TRPM1: variants seen among roughly 807,000 people sequenced by gnomAD.
The protein encoded by TRPM1 is transient receptor potential cation channel subfamily M member 1.
In TRPM1, 113 loss-of-function variants were observed where a neutral mutation model predicts 149.4. The ratio of observed to expected loss-of-function variants is 0.76; its 90% CI spans 0.65 to 0.88. TRPM1 has a LOEUF of 0.88. Among genes scored for constraint, TRPM1 ranks in the 40% least tolerant of loss-of-function variants. TRPM1 has a pLI of 0.00. For synonymous variants in TRPM1, 741 were observed against 759.5 expected (o/e 0.98, Z 0.40); for missense variants, 1,976 against 2,038.7 (o/e 0.97, Z 0.59).
At chr15:31,094,753 T>C (rs549455851) in intron 1 of TRPM1, among the ~76,000 whole-genome samples, 5 of 152,334 alleles carry the variant, frequency 3.3e-5, no homozygotes, top group East Asian at 3.9e-4. Context: ...TGTGGAGGAA[T>C]TGGAACCTTC....
At chr15:31,039,118 G>A (rs566253849) in intron 18 of TRPM1, among the ~76,000 whole-genome samples, 1 of 150,350 alleles carries the variant, frequency 6.7e-6, no homozygotes, top group South Asian at 2.1e-4. Flanking sequence ...TTTTTGAATA[G>A]TTGGCCTGGG....
chr15:31,089,910 T>G lies in TRPM1; in HGVS notation c.-83-8472A>C, dbSNP rs376953721. 2.4e-4 allele frequency among the ~76,000 whole-genome samples: 36 copies of G among 152,312 alleles called. No homozygotes were observed. In the East Asian group the frequency reaches 5.2e-3, roughly 22 times the overall value. ...TGATGTCACCTGGGGCAGAGGATCC[T>G]GGGTTGGCCGGGAGCACCGTGTGGG... On this transcript the variant is annotated intron_variant, in intron 1 of 27. Transcript: ENST00000256552.
At position 31,120,999 on chromosome 15, in the gene TRPM1, T is replaced by C. The variant is rs181562108; in HGVS notation, c.54+39907A>G. 3.9e-5 allele frequency among the ~76,000 whole-genome samples: 6 copies of C among 151,960 alleles called. 1 individual carries two copies. Among genetic ancestry groups the C allele is most frequent in the South Asian group, 4.2e-4 (2 of 4,816 alleles). On this transcript the variant is annotated intron_variant, in intron 1 of 26. Coordinates refer to the TRPM1 transcript ENST00000542188. ...ATCCCAGCACTTTGGGAGGTCAAGG[T>C]GGGCAGATCACGAGGTCAGAAGTTC... is the stretch of plus-strand genomic sequence containing the variant.
chr15:31,100,263 G>C (rs562081825), intron 1 of TRPM1, among the ~76,000 whole-genome samples: 1 of 151,930 alleles, frequency 6.6e-6, no homozygotes, highest in Non-Finnish European at 1.5e-5. Flanking sequence ...TTTTAGTAGA[G>C]ACAGGGTTTC....
At chr15:31,020,500 C>G (rs1262508880) in intron 27 of TRPM1, among the ~76,000 whole-genome samples, 2 of 152,240 alleles carry the variant, frequency 1.3e-5, no homozygotes, top group African/African-American at 2.4e-5. Flanking sequence ...ACTGACCTGG[C>G]CCAGTACAAA....
At chr15:31,132,857 ACT>A (rs2141044731) in intron 1 of TRPM1, among the ~76,000 whole-genome samples, 1 of 151,818 alleles carries the variant, frequency 6.6e-6, no homozygotes, top group Admixed American at 6.6e-5. Context: ...GTTCCCCTGC[ACT>A]CTCTCTTGCC....
intron 1 of TRPM1, among the ~76,000 whole-genome samples, chr15:31,113,082 A>T (rs7170825): frequency 6.6e-6 from 1 of 152,110 alleles, no homozygotes; most frequent in African/African-American, 2.4e-5. Context: ...CTGACAGTAG[A>T]ACCCCTGTCC....
chr15:31,028,504 G>C (rs1186526509), intron 24 of TRPM1, 28 bp from the exon 25 acceptor site: 1 of 1,612,138 alleles, frequency 6.2e-7, no homozygotes, highest in Non-Finnish European at 8.5e-7. Flanking sequence ...TTTTGTCTTT[G>C]CTTTTTACAT....
chr15:31,014,258 C>T (rs2032283293), intron 27 of TRPM1, among the ~76,000 whole-genome samples: 1 of 152,204 alleles, frequency 6.6e-6, no homozygotes, highest in African/African-American at 2.4e-5. Context: ...ATGTTTTTGA[C>T]AACCCTTCCT....
rs1190478748 is a variant in TRPM1 at position 31,026,141 on chromosome 15, T to C, written c.3627A>G (p.Glu1209=). The C allele has an allele frequency of 6.2e-7, 1 of 1,611,524 alleles. No individual in the cohort carries two copies. The highest frequency in any genetic ancestry group is 1.3e-5 in the African/African-American group (1 of 75,044). The change falls in exon 27 of 28, where the codon GAA becomes GAG. Residue 1209 remains glutamate, a splice_region_variant and synonymous_variant. Coordinates refer to ENST00000256552, the MANE Select transcript of TRPM1 (RefSeq NM_001252024.2). Reference sequence around the variant, plus strand: ...CGCGGTGGGGACGCTACACGTACCTTTCAGAAGTGACCCGGATGCGCTCGT... The same window carrying C: ...CGCGGTGGGGACGCTACACGTACCTCTCAGAAGTGACCCGGATGCGCTCGT... ...SSDERIRVTS[E]RVENMSMRLE... is the part of the protein sequence containing the mutation.
At chr15:31,016,821 C>T (rs906778066) in intron 27 of TRPM1, among the ~76,000 whole-genome samples, 3 of 152,086 alleles carry the variant, frequency 2.0e-5, no homozygotes, top group Non-Finnish European at 4.4e-5. Context: ...AGCCCAGAAC[C>T]GCATGTGCTT....
At chr15:31,036,323 A>G (rs1305623369) in intron 20 of TRPM1, among the ~76,000 whole-genome samples, 1 of 152,178 alleles carries the variant, frequency 6.6e-6, no homozygotes, top group African/African-American at 2.4e-5. Context: ...GTGATTCACC[A>G]TGATGCCAAG....
chr15:31,038,991 C>G (rs1223014842), intron 18 of TRPM1, among the ~76,000 whole-genome samples: 1 of 131,474 alleles, frequency 7.6e-6, no homozygotes, highest in East Asian at 2.2e-4. Flanking sequence ...CATGCTTCCC[C>G]TTTTTTTTTT....
upstream of TRPM1, among the ~76,000 whole-genome samples, chr15:31,103,813 C>CAA (rs10706621): frequency 8.6e-6 from 1 of 115,632 alleles, no homozygotes; most frequent in African/African-American, 3.2e-5. Flanking sequence ...ACTCTGTATC[C>CAA]AAAAAAAAAA....
At chr15:31,047,338 T>C in intron 14 of TRPM1, 87 bp from the exon 15 acceptor site, 1 of 1,496,508 alleles carries the variant, frequency 6.7e-7, no homozygotes, top group South Asian at 1.1e-5. Context: ...GTGGCTGTCC[T>C]GGCCCCCACT....
chr15:31,068,116 A>G (rs1157568794), intron 4 of TRPM1, 24 bp from the exon 5 acceptor site: 1 of 1,603,444 alleles, frequency 6.2e-7, no homozygotes, highest in Non-Finnish European at 8.5e-7. Context: ...TGTGGCACTC[A>G]GCCTCTGTTC....
At chr15:31,088,455 ATG>A (rs2035070862) in intron 1 of TRPM1, among the ~76,000 whole-genome samples, 1 of 152,286 alleles carries the variant, frequency 6.6e-6, no homozygotes, top group Admixed American at 6.5e-5. Context: ...ACTGTACGGT[ATG>A]TGGCTTCACT....
At chr15:31,070,354 A>G in intron 3 of TRPM1, 128 bp from the exon 4 acceptor site, 2 of 877,650 alleles carry the variant, frequency 2.3e-6, no homozygotes, top group Non-Finnish European at 3.8e-6. Flanking sequence ...TCAGTAAGCC[A>G]GCGTTATTAG....
At chr15:31,037,947 T>G (rs990647400) in intron 19 of TRPM1, 97 bp downstream of exon 19, 14 of 1,611,852 alleles carry the variant, frequency 8.7e-6, no homozygotes, top group Admixed American at 1.7e-5. Flanking sequence ...AAAAATACCT[T>G]TAACCAGTGA....
Sources: allele counts gnomAD v4.1 joint callset (sites outside exome capture counted in the v4.1 genomes callset), GRCh38; gene constraint gnomAD v4.1.1; transcripts MANE v1.5; gene names NCBI Gene and HGNC (gene_info 2026-07-23, HGNC 2026-07-21).